Variants in ZNF280D observed in about 807,000 individuals in gnomAD.
ZNF280D encodes the protein zinc finger protein 280D, also known as suppressor of hairy wing homolog 4.
In ZNF280D, 39 loss-of-function variants were observed where a neutral mutation model predicts 94.7. The ratio of observed to expected loss-of-function variants is 0.41; its 90% CI spans 0.32 to 0.54. ZNF280D has a LOEUF of 0.54. ZNF280D is among the 20% of genes least tolerant of loss of function. The probability of loss-of-function intolerance (pLI) is 0.22; values close to 1 mark genes in which losing one functional copy is unlikely to be tolerated. For synonymous variants in ZNF280D, 398 were observed against 377.6 expected, an observed-to-expected ratio of 1.05 and a Z score of -0.63; for missense variants, 1,090 against 1,149.3, an observed-to-expected ratio of 0.95 and a Z score of 0.75.
intron 1 of ZNF280D, among the ~76,000 whole-genome samples, chr15:56,718,613 TTCA>T (rs2058173349): frequency 6.6e-6 from 1 of 152,176 alleles, no homozygotes. Context: ...AAGAAAAATT[TTCA>T]CACAGGGTAC....
At chr15:56,659,446 T>C (rs1477140757) in intron 16 of ZNF280D, among the ~76,000 whole-genome samples, 1 of 152,060 alleles carries the variant, frequency 6.6e-6, no homozygotes, top group Non-Finnish European at 1.5e-5. Context: ...CACAATAACA[T>C]ATTTTAAGAG....
intron 4 of ZNF280D, 31 bp from the exon 5 acceptor site, chr15:56,701,269 ATTGT>A (rs2057049940): frequency 3.0e-6 from 4 of 1,344,902 alleles, no homozygotes; most frequent in Middle Eastern, 2.6e-4. Context: ...TTTAAAATAC[ATTGT>A]TTGAATGAAA....
intron 6 of ZNF280D, among the ~76,000 whole-genome samples, chr15:56,696,459 C>T (rs2056754249): frequency 1.3e-5 from 2 of 152,126 alleles, no homozygotes; most frequent in African/African-American, 2.4e-5. Context: ...CCCAGTACAG[C>T]CCCACTTGTT....
At chr15:56,687,029 ATT>A (rs1474629440) in intron 9 of ZNF280D, among the ~76,000 whole-genome samples, 1 of 152,118 alleles carries the variant, frequency 6.6e-6, no homozygotes, top group African/African-American at 2.4e-5. Context: ...TAAAAATCAC[ATT>A]CTTTTCAAAA....
At chr15:56,683,789 C>T (rs924249043) in intron 9 of ZNF280D, among the ~76,000 whole-genome samples, 1 of 152,140 alleles carries the variant, frequency 6.6e-6, no homozygotes, top group South Asian at 2.1e-4. Flanking sequence ...AGCTACACAA[C>T]CAAATTCCAC....
At chr15:56,680,962 G>C (rs2055576693) in intron 10 of ZNF280D, among the ~76,000 whole-genome samples, 1 of 152,156 alleles carries the variant, frequency 6.6e-6, no homozygotes, top group African/African-American at 2.4e-5. Flanking sequence ...AGGTGGTAGA[G>C]TTCTACTGCA....
rs2054831036 is a variant in ZNF280D at position 56,671,071 on chromosome 15, T to C, written c.1411-2114A>G. On this transcript the variant is annotated intron_variant, in intron 13 of 21. Transcript: ENST00000267807. ...CTTAAATTCCTTATAGATGTAGATA[T>C]TAGACCTTTGTCAGATGCATAGTTT... 2.0e-5 allele frequency among the ~76,000 whole-genome samples: 3 copies of C among 152,230 alleles called. No homozygotes were observed. The South Asian group carries it at 6.2e-4, about 32-fold the overall frequency.
intron 10 of ZNF280D, among the ~76,000 whole-genome samples, chr15:56,679,764 C>G (rs1298790354): frequency 6.6e-6 from 1 of 152,118 alleles, no homozygotes; most frequent in Non-Finnish European, 1.5e-5. Context: ...ATCTAGATAG[C>G]AATCATCATG....
chr15:56,652,798 A>G (rs2053284495), intron 19 of ZNF280D: 1 of 984,760 alleles, frequency 1.0e-6, no homozygotes, highest in South Asian at 4.7e-5. Context: ...TAATAATCCC[A>G]ATAGGACAGA....
chr15:56,725,206 C>T (rs982226746), intron 1 of ZNF280D, among the ~76,000 whole-genome samples: 2 of 151,662 alleles, frequency 1.3e-5, no homozygotes, highest in Non-Finnish European at 2.9e-5. Flanking sequence ...GGTTACTAGC[C>T]CTAGTCAAAA....
chr15:56,663,302 A>G (rs74392785), intron 16 of ZNF280D, among the ~76,000 whole-genome samples: 32,552 of 140,116 alleles, frequency 0.23, 3,856 homozygotes, highest in Middle Eastern at 0.34. Flanking sequence ...AAAAAAAAGG[A>G]AAAAAGAAAG....
intron 1 of ZNF280D, among the ~76,000 whole-genome samples, chr15:56,716,326 T>C (rs1269121283): frequency 6.6e-6 from 1 of 152,050 alleles, no homozygotes; most frequent in Non-Finnish European, 1.5e-5. Flanking sequence ...TAATCAAAAT[T>C]GGCTTTGCTA....
At chr15:56,663,429 C>T (rs1008642991) in intron 16 of ZNF280D, among the ~76,000 whole-genome samples, 8 of 151,936 alleles carry the variant, frequency 5.3e-5, no homozygotes, top group Admixed American at 1.3e-4. Context: ...AGAGTTAGTA[C>T]GGGATAGGAA....
At chr15:56,669,873 T>TTATATATATATATATATAA (rs71113014) in intron 13 of ZNF280D, among the ~76,000 whole-genome samples, 1 of 8,482 alleles carries the variant, frequency 1.2e-4, no homozygotes, top group African/African-American at 4.1e-4. Context: ...TATATATATT[T>TTATATATATATATATATAA]TATATATATA....
chr15:56,664,189 A>ACT (rs2054138946), intron 16 of ZNF280D, among the ~76,000 whole-genome samples: 1 of 152,194 alleles, frequency 6.6e-6, no homozygotes, highest in African/African-American at 2.4e-5. Context: ...CATAACAGAT[A>ACT]ATCTTTAAAA....
chr15:56,666,997 A>G lies in ZNF280D; in HGVS notation c.1546-11T>C, dbSNP rs1469511026. ...AGCTCGAATAGTAACCTACAAAAAT[A>G]AAGAGAAGATTTGCTTTAAGAGATT... is the stretch of plus-strand genomic sequence containing the variant. On this transcript the variant is annotated splice_polypyrimidine_tract_variant and intron_variant, in intron 14 of 21. Coordinates refer to ENST00000267807, the MANE Select transcript of ZNF280D (RefSeq NM_017661.4). The G allele has an allele frequency of 1.0e-5, 16 of 1,544,962 alleles. No homozygotes were observed. Among genetic ancestry groups the G allele is most frequent in the Non-Finnish European group, 1.0e-5 (12 of 1,147,766 alleles).
At chr15:56,632,272 G>A (rs1433229121) in intron 21 of ZNF280D, 150 bp from the exon 22 acceptor site, 1 of 717,344 alleles carries the variant, frequency 1.4e-6, no homozygotes. Flanking sequence ...CCTCGCTATG[G>A]CAGTAAAATT....
At position 56,702,973 on chromosome 15, in the gene ZNF280D, G is replaced by A. The variant is rs560515118; in HGVS notation, c.175+1148C>T. On this transcript the variant is annotated intron_variant, in intron 4 of 21. Transcript: ENST00000267807. ...CACACACACACACGCTGGTAAACTG[G>A]GTACATAAAATTCTTTGGTAAATTC... is the stretch of plus-strand genomic sequence containing the variant. Among the ~76,000 whole-genome samples the A allele has an allele frequency of 1.2e-4, 18 of 147,158 alleles. No homozygotes were observed. In the South Asian group the frequency reaches 1.9e-3, roughly 16 times the overall value.
intron 1 of ZNF280D, among the ~76,000 whole-genome samples, chr15:56,720,869 T>C (rs1383491190): frequency 6.6e-6 from 1 of 151,342 alleles, no homozygotes; most frequent in East Asian, 1.9e-4. Context: ...ATTCATGTTG[T>C]AAACCACGTT....
Sources: allele counts gnomAD v4.1 joint callset (sites outside exome capture counted in the v4.1 genomes callset), GRCh38; gene constraint gnomAD v4.1.1; transcripts MANE v1.5; gene names NCBI Gene and HGNC (gene_info 2026-07-23, HGNC 2026-07-21).